Variants in PROSER3 observed in about 807,000 individuals in gnomAD.
PROSER3 encodes proline and serine-rich protein 3.
Under a neutral mutation model 50.2 loss-of-function variants are expected in PROSER3, and 33 were observed. The ratio of observed to expected loss-of-function variants is 0.66; its 90% confidence interval spans 0.50 to 0.88. The LOEUF is 0.88. Among genes scored for constraint, PROSER3 ranks in the 40% least tolerant of loss-of-function variants. PROSER3 has a pLI of 0.00. For synonymous variants in PROSER3, 266 were observed against 259.3 expected (o/e 1.03, Z -0.25); for missense variants, 623 against 612.7 (o/e 1.02, Z -0.18).
At chr19:35,768,644 G>T in exon 11 of PROSER3, 2 of 1,427,434 alleles carry the variant, frequency 1.4e-6, no homozygotes, top group Non-Finnish European at 9.2e-7. Context: ...AGGCCAAGGG[G>T]TCATGCCAAT....
At chr19:35,768,578 CTTT>C (rs113059159) in exon 11 of PROSER3, 56 of 1,300,790 alleles carry the variant, frequency 4.3e-5, no homozygotes, top group Middle Eastern at 2.1e-4. Flanking sequence ...CAGTGAGGCT[CTTT>C]TTTTTTTTTT....
chr19:35,765,065 A>T (rs753794314), exon 7 of PROSER3: 4 of 1,613,496 alleles, frequency 2.5e-6, no homozygotes, highest in Non-Finnish European at 3.4e-6. Context: ...CTCCTCCCTC[A>T]GCCCCAGCGA....
chr19:35,768,744 G>A lies in PROSER3; in HGVS notation c.*199G>A, dbSNP rs231215. 3.7e-3 allele frequency: 1,987 copies of A among 543,222 alleles called. 36 individuals are homozygous for A. The highest frequency in any genetic ancestry group is 0.034 in the African/African-American group (1,721 of 50,616). 33.7% of individuals were successfully genotyped at this position (543,222 alleles called of 1,614,324 possible). ...CCACGGAAACAAGATCTCCTTTCTG[G>A]TTATATCTTCCTTGGGGCAGAGGGA... On this transcript the variant is annotated 3_prime_UTR_variant, in exon 11 of 11. Coordinates refer to ENST00000396908, the Ensembl canonical transcript of PROSER3.
chr19:35,760,724 T>A (rs915475799), intron 3 of PROSER3, among the ~76,000 whole-genome samples: 9 of 152,136 alleles, frequency 5.9e-5, no homozygotes, highest in Admixed American at 3.3e-4. Flanking sequence ...TGACCTCAGG[T>A]GATCCACCTG....
chr19:35,770,050 G>A (rs1221388736), downstream of PROSER3, among the ~76,000 whole-genome samples: 4 of 151,950 alleles, frequency 2.6e-5, no homozygotes, highest in East Asian at 1.9e-4. Context: ...GACTACAGGC[G>A]TGTGCCACCA....
chr19:35,763,501 C>T (rs554045745), intron 5 of PROSER3, among the ~76,000 whole-genome samples: 37 of 149,922 alleles, frequency 2.5e-4, no homozygotes, highest in African/African-American at 7.9e-4. Context: ...CCACCAAGCC[C>T]GGCCTTTTTT....
chr19:35,765,133 C>T (rs749820830), exon 7 of PROSER3: 65 of 1,613,826 alleles, frequency 4.0e-5, no homozygotes, highest in Non-Finnish European at 4.9e-5. Flanking sequence ...TCTCGGAGAC[C>T]TTCATCCCTG....
At chr19:35,759,696 C>A in intron 2 of PROSER3, 93 bp from the exon 3 acceptor site, 1 of 1,267,374 alleles carries the variant, frequency 7.9e-7, no homozygotes, top group Non-Finnish European at 1.1e-6. Flanking sequence ...TTCCTCCCCT[C>A]TGGACTGAGA....
chr19:35,768,160 G>C, exon 10 of PROSER3: 2 of 1,613,170 alleles, frequency 1.2e-6, no homozygotes, highest in African/African-American at 1.3e-5. Context: ...CCCAGACTCC[G>C]ACGGCAGCGA....
chr19:35,765,231 C>T, intron 7 of PROSER3, 55 bp downstream of exon 7: 2 of 1,569,274 alleles, frequency 1.3e-6, no homozygotes, highest in South Asian at 2.3e-5. Context: ...CCCAACTCTG[C>T]CACTGACCAG....
At chr19:35,768,098 A>AGGCCAGCCCCCTAAGAGGCC in intron 9 of PROSER3, 33 bp downstream of exon 9, 1 of 1,593,522 alleles carries the variant, frequency 6.3e-7, no homozygotes, top group Non-Finnish European at 8.6e-7. Context: ...TGTTGGAGGC[A>AGGCCAGCCCCCTAAGAGGCC]GGCCAGCCCC....
At chr19:35,762,135 A>G in exon 4 of PROSER3, 1 of 1,599,542 alleles carries the variant, frequency 6.3e-7, no homozygotes, top group Non-Finnish European at 8.6e-7. Context: ...CCCAGCAGTC[A>G]AAGTGCAGCA....
At chr19:35,764,925 G>A (rs1273549789) in exon 6 of PROSER3, 2 of 1,613,630 alleles carry the variant, frequency 1.2e-6, no homozygotes, top group Admixed American at 1.7e-5. Flanking sequence ...CTGCCAGGCT[G>A]CTCAAACGCA....
chr19:35,759,271 C>A, intron 1 of PROSER3, 103 bp from the exon 2 acceptor site: 1 of 888,952 alleles, frequency 1.1e-6, no homozygotes, highest in Non-Finnish European at 1.7e-6. Flanking sequence ...CCGTCTCCTC[C>A]AGGAATCTAT....
rs545944331 is a variant in PROSER3 at position 35,760,433 on chromosome 19, C to T, written c.311+442C>T. On this transcript the variant is annotated intron_variant, in intron 3 of 10. Coordinates refer to ENST00000396908, the Ensembl canonical transcript of PROSER3. ...TGCTGTGATTACAGGCCAGACGTAC[C>T]ATGCCCAGCCTCAGTTTATTTATCT... 2.0e-5 allele frequency among the ~76,000 whole-genome samples: 3 copies of T among 152,248 alleles called. No homozygotes were observed. In the South Asian group the frequency reaches 6.2e-4, roughly 32 times the overall value.
At position 35,768,142 on chromosome 19, in the gene PROSER3, C is replaced by G. The variant is rs750387873; in HGVS notation, c.1220-13C>G. The G allele has an allele frequency of 3.3e-5, 53 of 1,611,618 alleles. 1 individual carries two copies. In the South Asian group the frequency reaches 5.3e-4, roughly 16 times the overall value. ...CCGGCCCCTTGGAGCTCATTCTTTT[C>G]TCCCCGGCCCAGACTCCGACGGCAG... On this transcript the variant is annotated splice_polypyrimidine_tract_variant and intron_variant, in intron 9 of 10. Transcript: ENST00000396908.
intron 5 of PROSER3, chr19:35,763,187 C>T (rs1353467837): frequency 6.6e-6 from 1 of 151,956 alleles, no homozygotes; most frequent in South Asian, 2.1e-4. Context: ...AGACCCAACT[C>T]TCTCTGGGCT....
chr19:35,764,782 G>C (rs1193670919), intron 5 of PROSER3, 72 bp from the exon 6 acceptor site: 2 of 1,375,714 alleles, frequency 1.5e-6, no homozygotes, highest in East Asian at 2.5e-5. Flanking sequence ...CTGCATTCCA[G>C]GCCCTCTGTT....
chr19:35,759,794 G>A (rs1428696356), exon 3 of PROSER3: 1 of 1,560,412 alleles, frequency 6.4e-7, no homozygotes, highest in Non-Finnish European at 8.7e-7. Context: ...CTTAGACCCT[G>A]AGCCCATCCA....
Sources: gnomAD v4.1 joint callset for allele counts (sites outside exome capture counted in the v4.1 genomes callset) on GRCh38, gnomAD v4.1.1 for gene constraint, MANE v1.5 for transcripts, NCBI Gene and HGNC (gene_info 2026-07-23, HGNC 2026-07-21) for gene names.